Variants in KCND2 observed in about 807,000 individuals in gnomAD.
KCND2 encodes potassium voltage-gated channel subfamily D member 2.
KCND2 carries 16 observed loss-of-function variants against 54.4 expected under a neutral mutation model. The ratio of observed to expected loss-of-function variants is 0.29; its 90% CI spans 0.20 to 0.45. The LOEUF (loss-of-function observed/expected upper bound fraction) is 0.45. Ranked by LOEUF, KCND2 falls within the 20% of genes least tolerant of loss-of-function variation. The pLI is 1.00. For missense variants in KCND2, 486 were observed against 824.2 expected, an observed-to-expected ratio of 0.59 and a Z score of 5.02; for synonymous variants, 317 against 310.7, an observed-to-expected ratio of 1.02 and a Z score of -0.21.
intron 1 of KCND2, among the ~76,000 whole-genome samples, chr7:120,340,566 C>T (rs776046176): frequency 6.6e-6 from 1 of 152,078 alleles, no homozygotes; most frequent in Non-Finnish European, 1.5e-5. Flanking sequence ...TAGAAGAGAA[C>T]AATTAGTGTG....
chr7:120,711,997 A>T (rs1182304647), intron 1 of KCND2, among the ~76,000 whole-genome samples: 4 of 152,078 alleles, frequency 2.6e-5, no homozygotes, highest in Non-Finnish European at 5.9e-5. Context: ...ACTATGCTTC[A>T]TTCAATAGTT....
At chr7:120,596,700 A>G (rs1480753610) in intron 1 of KCND2, among the ~76,000 whole-genome samples, 3 of 151,198 alleles carry the variant, frequency 2.0e-5, no homozygotes, top group African/African-American at 7.3e-5. Flanking sequence ...TACCTGATAA[A>G]TATTTATCAC....
chr7:120,582,692 AT>A (rs1362456832), intron 1 of KCND2, among the ~76,000 whole-genome samples: 1 of 152,192 alleles, frequency 6.6e-6, no homozygotes, highest in African/African-American at 2.4e-5. Flanking sequence ...TTATAAAAAA[AT>A]ATATTCTAAG....
chr7:120,510,659 A>G (rs1803100030), intron 1 of KCND2, among the ~76,000 whole-genome samples: 1 of 152,024 alleles, frequency 6.6e-6, no homozygotes, highest in East Asian at 1.9e-4. Flanking sequence ...CTACCTAAGG[A>G]GCACTAAATT....
At chr7:120,629,498 G>GA (rs201838545) in intron 1 of KCND2, among the ~76,000 whole-genome samples, 84 of 151,040 alleles carry the variant, frequency 5.6e-4, no homozygotes, top group African/African-American at 1.8e-3. Context: ...GGGTGGGGTG[G>GA]AAAAAAAAAG....
intron 1 of KCND2, among the ~76,000 whole-genome samples, chr7:120,555,072 G>A (rs1307695180): frequency 6.6e-6 from 1 of 152,156 alleles, no homozygotes; most frequent in Non-Finnish European, 1.5e-5. Flanking sequence ...ATTCTGTTCT[G>A]TTATTACATC....
intron 1 of KCND2, among the ~76,000 whole-genome samples, chr7:120,639,417 G>A (rs1793344271): frequency 6.6e-6 from 1 of 152,082 alleles, no homozygotes; most frequent in African/African-American, 2.4e-5. Flanking sequence ...CAAAAGACAT[G>A]AGGTTCACAA....
At chr7:120,617,099 G>A (rs1342148497) in intron 1 of KCND2, among the ~76,000 whole-genome samples, 3 of 152,106 alleles carry the variant, frequency 2.0e-5, no homozygotes, top group Non-Finnish European at 2.9e-5. Flanking sequence ...CAAATTTCTA[G>A]GTGTGCCGCA....
chr7:120,739,398 T>A (rs1370573452), intron 2 of KCND2, among the ~76,000 whole-genome samples: 1 of 152,026 alleles, frequency 6.6e-6, no homozygotes, highest in Non-Finnish European at 1.5e-5. Context: ...CCAAATGTCC[T>A]TTTCACTTGC....
chr7:120,321,677 A>G (rs2116330945), intron 1 of KCND2, among the ~76,000 whole-genome samples: 1 of 152,206 alleles, frequency 6.6e-6, no homozygotes, highest in East Asian at 1.9e-4. Context: ...CACAAGCAAC[A>G]CTTTTTCTTC....
At chr7:120,548,358 C>T (rs975881079) in intron 1 of KCND2, among the ~76,000 whole-genome samples, 8 of 152,194 alleles carry the variant, frequency 5.3e-5, no homozygotes, top group Non-Finnish European at 1.2e-4. Flanking sequence ...AAACCATTTC[C>T]TTCTTTTCCT....
In KCND2 at chr7:120,353,276, G is replaced by A. The variant is rs376191078; in HGVS notation, c.1115+77529G>A. Reference sequence around the variant, plus strand: ...CAGAGCCTTCGTCTCTGAATATTGCGCCATTTAGATTTGCTTCTTCAAAAC... The same window carrying A: ...CAGAGCCTTCGTCTCTGAATATTGCACCATTTAGATTTGCTTCTTCAAAAC... On this transcript the variant is annotated intron_variant, in intron 1 of 5. Transcript: ENST00000331113. Among the ~76,000 whole-genome samples, 7 of 151,306 alleles carry A rather than the reference G, an allele frequency of 4.6e-5. No individual in the cohort carries two copies. The South Asian group carries it at 8.3e-4, about 18-fold the overall frequency.
intron 1 of KCND2, among the ~76,000 whole-genome samples, chr7:120,325,063 T>C (rs1799954587): frequency 2.1e-5 from 3 of 145,634 alleles, no homozygotes; most frequent in Non-Finnish European, 4.5e-5. Flanking sequence ...TTTGAAGCAA[T>C]TGTGAATGGG....
At chr7:120,545,892 C>T (rs1186798962) in intron 1 of KCND2, among the ~76,000 whole-genome samples, 1 of 151,576 alleles carries the variant, frequency 6.6e-6, no homozygotes, top group Non-Finnish European at 1.5e-5. Flanking sequence ...AAGAGGAAAT[C>T]CGATTTGAAT....
At chr7:120,702,559 G>A (rs1225374435) in intron 1 of KCND2, among the ~76,000 whole-genome samples, 1 of 152,172 alleles carries the variant, frequency 6.6e-6, no homozygotes, top group Non-Finnish European at 1.5e-5. Context: ...ATCAATAGTA[G>A]ACTGGATAAA....
intron 1 of KCND2, among the ~76,000 whole-genome samples, chr7:120,363,502 A>G (rs570530177): frequency 6.6e-6 from 1 of 152,138 alleles, no homozygotes; most frequent in South Asian, 2.1e-4. Context: ...ACCTCATGTA[A>G]TCTATGGCAT....
chr7:120,519,961 A>C (rs934981825), intron 1 of KCND2, among the ~76,000 whole-genome samples: 7 of 152,136 alleles, frequency 4.6e-5, no homozygotes, highest in African/African-American at 1.7e-4. Context: ...CATGAATATA[A>C]ATTACAAATT....
intron 1 of KCND2, among the ~76,000 whole-genome samples, chr7:120,385,262 G>A (rs1037867268): frequency 3.3e-5 from 5 of 151,522 alleles, no homozygotes; most frequent in African/African-American, 1.2e-4. Context: ...CAAAGTGCTG[G>A]GATTACAGAC....
At chr7:120,324,073 GT>G (rs1799934481) in intron 1 of KCND2, among the ~76,000 whole-genome samples, 1 of 151,058 alleles carries the variant, frequency 6.6e-6, no homozygotes, top group African/African-American at 2.5e-5. Flanking sequence ...TTTTTCCTGT[GT>G]TTTTTGGGTG....
Sources: allele counts gnomAD v4.1 joint callset (sites outside exome capture counted in the v4.1 genomes callset), GRCh38; gene constraint gnomAD v4.1.1; transcripts MANE v1.5; gene names NCBI Gene and HGNC (gene_info 2026-07-23, HGNC 2026-07-21).